Variants in ARHGAP23 observed in about 807,000 individuals in gnomAD.
ARHGAP23 encodes Rho GTPase activating protein 23, also known as rho GTPase-activating protein 23.
A neutral mutation model predicts 136.3 loss-of-function variants in ARHGAP23; 34 were observed. The observed-to-expected ratio is 0.25, with a 90% CI of 0.19 to 0.33. The LOEUF is 0.33. Ranked by LOEUF, ARHGAP23 falls within the 10% of genes least tolerant of loss-of-function variation. The pLI, the probability that ARHGAP23 is intolerant of heterozygous loss-of-function variation, is 1.00. For synonymous variants in ARHGAP23, 832 were observed against 920.5 expected, an observed-to-expected ratio of 0.90 and a Z score of 1.74; for missense variants, 1,808 against 2,139.0, an observed-to-expected ratio of 0.85 and a Z score of 3.05.
chr17:38,491,273 C>G (rs1397526885), intron 19 of ARHGAP23, 134 bp from the exon 20 acceptor site: 2 of 1,197,306 alleles, frequency 1.7e-6, no homozygotes, highest in Admixed American at 4.7e-5. Flanking sequence ...CATCTCCATG[C>G]CCATACAAGG....
At chr17:38,495,439 G>A (rs188670012) in intron 20 of ARHGAP23, among the ~76,000 whole-genome samples, 9 of 152,132 alleles carry the variant, frequency 5.9e-5, no homozygotes, top group Non-Finnish European at 1.3e-4. Flanking sequence ...CACCCTGTTG[G>A]CCAGGCTGGT....
At chr17:38,496,964 AAAG>A (rs942088144) in intron 20 of ARHGAP23, among the ~76,000 whole-genome samples, 1 of 152,110 alleles carries the variant, frequency 6.6e-6, no homozygotes, top group African/African-American at 2.4e-5. Flanking sequence ...AAAAAAAAAA[AAAG>A]AATAGCTTTA....
chr17:38,425,996 C>G (rs1001418749), upstream of ARHGAP23, among the ~76,000 whole-genome samples: 12 of 152,008 alleles, frequency 7.9e-5, no homozygotes, highest in Non-Finnish European at 1.3e-4. Flanking sequence ...CTCTCACCCC[C>G]TCCTGCGGGG....
intron 11 of ARHGAP23, among the ~76,000 whole-genome samples, chr17:38,475,788 G>A (rs2039879342): frequency 6.6e-6 from 1 of 152,204 alleles, no homozygotes; most frequent in Non-Finnish European, 1.5e-5. Flanking sequence ...CTGTCCCCAG[G>A]ACAGCCTGAG....
chr17:38,506,801 A>G (rs1200619512), intron 23 of ARHGAP23, among the ~76,000 whole-genome samples: 2 of 152,268 alleles, frequency 1.3e-5, no homozygotes, highest in African/African-American at 2.4e-5. Flanking sequence ...TTTGGGAGGT[A>G]CACGATTTAG....
intron 23 of ARHGAP23, among the ~76,000 whole-genome samples, chr17:38,506,583 T>C (rs866838231): frequency 3.3e-5 from 5 of 152,190 alleles, no homozygotes; most frequent in Admixed American, 2.6e-4. Context: ...GTTCCCTGCC[T>C]GTCTTGTAGA....
At chr17:38,491,558 C>T (rs985919910) in intron 20 of ARHGAP23, 26 bp downstream of exon 20, 17 of 1,549,096 alleles carry the variant, frequency 1.1e-5, no homozygotes, top group South Asian at 2.4e-5. Context: ...GGGGGGCGCC[C>T]GGCAGCCCCT....
In ARHGAP23 at chr17:38,491,850, G is replaced by A. The variant is rs139525254; in HGVS notation, c.3276+318G>A. Reference sequence around the variant, plus strand: ...AGGGAAGGTGCTACTGGTGGAGGGCGGAAGGGGCAGCTTCAGAAGTTGGCC... The same window carrying A: ...AGGGAAGGTGCTACTGGTGGAGGGCAGAAGGGGCAGCTTCAGAAGTTGGCC... On this transcript the variant is annotated intron_variant, in intron 20 of 23. Transcript: ENST00000622683. 755 of 359,778 alleles carry A rather than the reference G, an allele frequency of 2.1e-3. 2 individuals are homozygous for A. The highest frequency in any genetic ancestry group is 0.014 in the African/African-American group (684 of 49,832). 22.3% of individuals were successfully genotyped at this position (359,778 alleles called of 1,614,324 possible). A position where few individuals can be genotyped will look rare whatever the true frequency, so the allele number is the denominator to read the frequency against.
chr17:38,438,620 G>A (rs975562960), intron 1 of ARHGAP23, among the ~76,000 whole-genome samples: 2 of 151,734 alleles, frequency 1.3e-5, no homozygotes, highest in Non-Finnish European at 2.9e-5. Flanking sequence ...CTCGGGCAGT[G>A]GAGGCAGCAG....
At position 38,466,932 on chromosome 17, in the gene ARHGAP23, A is replaced by G. The variant is rs766520923; in HGVS notation, c.1249A>G (p.Ile417Val). 3.9e-6 allele frequency: 6 copies of G among 1,550,332 alleles called. No homozygotes were observed. The highest frequency in any genetic ancestry group is 2.4e-5 in the East Asian group (1 of 40,920). The change falls in exon 7 of 24, where the codon ATC becomes GTC. Residue 417 changes from isoleucine to valine, a missense_variant. Physicochemically the swap from Ile to Val is conservative, Grantham distance 29. This residue lies in a region of ARHGAP23 where 859 missense variants were observed against 936.4 expected (regional missense o/e 0.92). Transcript: ENST00000622683. ...GCAGGGCCTGGATGACCTCGGGTAC[A>G]TCGGCTACCGGAGCTACAGCCCATC... The part of the protein sequence containing the change: ...GLQGLDDLGY[I>V]GYRSYSPSFQ...
chr17:38,489,751 T>C (rs1479133223), intron 17 of ARHGAP23: 1 of 240,306 alleles, frequency 4.2e-6, no homozygotes, highest in South Asian at 9.1e-5. Context: ...CCCCTCCTCC[T>C]CTCCAGGTGC....
rs951854478 is a variant in ARHGAP23, at chr17:38,498,615, G to A, written c.3415+105G>A. ...CCCAGCTTCCCTGTGCCACCCCAGC[G>A]GGGCCCTCCCCTGCCGGCCACCATG... On this transcript the variant is annotated intron_variant, in intron 22 of 23. Transcript: ENST00000622683. 2.0e-5 allele frequency: 20 copies of A among 989,900 alleles called. No homozygotes were observed. In the Admixed American group the frequency reaches 2.1e-4, roughly 10 times the overall value. The allele number at this position is 989,900 out of a possible 1,614,324, so 61.3% of individuals were successfully genotyped here. A position where few individuals can be genotyped will look rare whatever the true frequency, so the allele number is the denominator to read the frequency against.
intron 1 of ARHGAP23, among the ~76,000 whole-genome samples, chr17:38,432,451 G>A (rs771945239): frequency 7.2e-5 from 11 of 152,034 alleles, no homozygotes; most frequent in Admixed American, 5.9e-4. Context: ...AGGCCAAGGC[G>A]GGTGGATCAC....
At chr17:38,456,695 G>A (rs1042333434) in intron 1 of ARHGAP23, among the ~76,000 whole-genome samples, 3 of 152,156 alleles carry the variant, frequency 2.0e-5, no homozygotes, top group South Asian at 4.1e-4. Flanking sequence ...GTTGGGCTCC[G>A]TGAGCACCCT....
intron 17 of ARHGAP23, among the ~76,000 whole-genome samples, chr17:38,487,381 G>T (rs1422524081): frequency 2.6e-5 from 4 of 152,180 alleles, no homozygotes; most frequent in African/African-American, 9.7e-5. Flanking sequence ...CCTTGAATAA[G>T]TCCTTGCACG....
At chr17:38,459,186 A>T (rs752197499) in intron 2 of ARHGAP23, among the ~76,000 whole-genome samples, 5 of 152,160 alleles carry the variant, frequency 3.3e-5, no homozygotes, top group Admixed American at 6.5e-5. Context: ...CTGCCTGTAC[A>T]GCTATTGGGG....
At chr17:38,446,005 G>A (rs2039023140) in intron 1 of ARHGAP23, among the ~76,000 whole-genome samples, 1 of 134,640 alleles carries the variant, frequency 7.4e-6, no homozygotes, top group African/African-American at 2.9e-5. Context: ...ATTGTAGCAT[G>A]TGTCAAATAT....
rs149769160 is a variant in ARHGAP23, at chr17:38,441,489, G to C, written c.63+12941G>C. Among the ~76,000 whole-genome samples the C allele has an allele frequency of 5.8e-3, 878 of 151,762 alleles. 20 individuals carry two copies. Among genetic ancestry groups the C allele is most frequent in the East Asian group, 0.053 (275 of 5,150 alleles). ...TCAACCAATCTTCCTGAAATCTACA[G>C]ATGTCCAAGTCCCTCATCATGGAAG... On this transcript the variant is annotated intron_variant, in intron 1 of 23. Transcript: ENST00000622683.
chr17:38,501,850 T>G (rs1367474362), intron 23 of ARHGAP23, among the ~76,000 whole-genome samples: 12 of 151,416 alleles, frequency 7.9e-5, no homozygotes, highest in Non-Finnish European at 1.5e-4. Flanking sequence ...TTTTTTAAAT[T>G]TTTAAACAAT....
Sources: gnomAD v4.1 joint callset for allele counts (sites outside exome capture counted in the v4.1 genomes callset) on GRCh38, gnomAD v4.1.1 for gene constraint, gnomAD v4.1.1 regional missense constraint, MANE v1.5 for transcripts, NCBI Gene and HGNC (gene_info 2026-07-23, HGNC 2026-07-21) for gene names.